SFMBT2: variants seen among roughly 807,000 people sequenced by gnomAD.
The protein encoded by SFMBT2 is scm-like with four MBT domains protein 2.
A neutral mutation model predicts 110.1 loss-of-function variants in SFMBT2; 38 were observed. The observed-to-expected ratio is 0.35, with a 90% confidence interval of 0.27 to 0.45. SFMBT2 has a LOEUF of 0.45. SFMBT2 is among the 20% of genes least tolerant of loss of function. The probability of loss-of-function intolerance (pLI) is 1.00; values close to 1 mark genes in which losing one functional copy is unlikely to be tolerated. For synonymous variants in SFMBT2, 425 were observed against 425.4 expected (o/e 1.00, Z 0.01); for missense variants, 1,011 against 1,094.9 (o/e 0.92, Z 1.08).
chr10:7,224,478 C>A (rs1471475040), intron 10 of SFMBT2, among the ~76,000 whole-genome samples: 5 of 152,118 alleles, frequency 3.3e-5, no homozygotes, highest in African/African-American at 1.2e-4. Flanking sequence ...CCAGAGAGAC[C>A]ATGAATTTTA....
chr10:7,360,709 T>A (rs1214741212), intron 4 of SFMBT2, among the ~76,000 whole-genome samples: 1 of 152,202 alleles, frequency 6.6e-6, no homozygotes, highest in Non-Finnish European at 1.5e-5. Context: ...TACAAACACA[T>A]ACATACCTAC....
intron 9 of SFMBT2, among the ~76,000 whole-genome samples, chr10:7,229,606 A>AG (rs1840051086): frequency 1.3e-5 from 2 of 151,302 alleles, no homozygotes; most frequent in Non-Finnish European, 2.9e-5. Flanking sequence ...AAAAAAAAAA[A>AG]AAAGAAAGAA....
At position 7,254,596 on chromosome 10, in the gene SFMBT2, C is replaced by T. The variant is rs774355511; in HGVS notation, c.871-5947G>A. ...CAGCACTTTGGGAGGCTGAGACAGG[C>T]GGATCATGAGGTCAAGAGATCGAGA... On this transcript the variant is annotated intron_variant, in intron 7 of 20. Coordinates refer to ENST00000397167, the MANE Select transcript of SFMBT2 (RefSeq NM_001387889.1). Among the ~76,000 whole-genome samples the T allele has an allele frequency of 7.2e-5, 11 of 151,832 alleles. No homozygotes were observed. The South Asian group carries it at 1.0e-3, about 14-fold the overall frequency.
chr10:7,168,751 G>GC (rs1405404011), intron 20 of SFMBT2, among the ~76,000 whole-genome samples: 3 of 152,220 alleles, frequency 2.0e-5, no homozygotes, highest in Non-Finnish European at 4.4e-5. Flanking sequence ...TTATCAATAA[G>GC]CCCCCGATCA....
chr10:7,309,430 G>T (rs1341715791), intron 4 of SFMBT2, among the ~76,000 whole-genome samples: 1 of 152,238 alleles, frequency 6.6e-6, no homozygotes, highest in Admixed American at 6.5e-5. Context: ...AAGTGAAGCT[G>T]TGCTTTCTCC....
intron 8 of SFMBT2, chr10:7,246,061 G>A: frequency 1.7e-6 from 1 of 593,378 alleles, no homozygotes; most frequent in East Asian, 1.4e-4. Flanking sequence ...TCTTGAACCT[G>A]GAGAGGTGCC....
chr10:7,273,970 A>T (rs1316495264), intron 7 of SFMBT2, among the ~76,000 whole-genome samples: 1 of 152,244 alleles, frequency 6.6e-6, no homozygotes. Flanking sequence ...CTATGAAGAC[A>T]CATGCACACG....
In SFMBT2 at chr10:7,171,839, A is replaced by G. The variant is rs1837879510; in HGVS notation, c.2415+56T>C. ...CCACATCGTGGCCCTGAAGTGTAACAGGTGTGCTTCTTCAGACCCAGCGGG... is the reference window on the plus strand; with the variant it reads ...CCACATCGTGGCCCTGAAGTGTAACGGGTGTGCTTCTTCAGACCCAGCGGG... On this transcript the variant is annotated intron_variant, in intron 19 of 20. Transcript: ENST00000397167. This position sits in a 1 kb window ranked among gnomAD's most constrained non-coding sequence, Gnocchi z 4.9. The G allele has an allele frequency of 7.3e-7, 1 of 1,368,776 alleles. No homozygotes were observed. Among genetic ancestry groups the G allele is most frequent in the Non-Finnish European group, 9.4e-7 (1 of 1,061,708 alleles). 84.8% of individuals were successfully genotyped at this position (1,368,776 alleles called of 1,614,324 possible).
At chr10:7,269,078 T>C (rs912953448) in intron 7 of SFMBT2, among the ~76,000 whole-genome samples, 4 of 152,192 alleles carry the variant, frequency 2.6e-5, no homozygotes, top group African/African-American at 9.6e-5. Flanking sequence ...TATTTTTCAA[T>C]AAAATGAGGC....
At chr10:7,305,808 C>T (rs1842676608) in intron 4 of SFMBT2, among the ~76,000 whole-genome samples, 2 of 152,198 alleles carry the variant, frequency 1.3e-5, no homozygotes, top group Admixed American at 6.5e-5. Context: ...AATTTCTGCA[C>T]GTTTTGTGAC....
intron 15 of SFMBT2, among the ~76,000 whole-genome samples, chr10:7,192,967 A>G (rs1838647188): frequency 6.6e-6 from 1 of 152,140 alleles, no homozygotes; most frequent in African/African-American, 2.4e-5. Context: ...GTTACACTGG[A>G]GCAAAAAAAC....
chr10:7,297,902 G>A (rs1564427348), intron 4 of SFMBT2, among the ~76,000 whole-genome samples: 2 of 152,100 alleles, frequency 1.3e-5, no homozygotes, highest in East Asian at 1.9e-4. Flanking sequence ...TGCCTCCCAC[G>A]CCCTCCCTGT....
chr10:7,351,598 CCTTA>C (rs1554808425), intron 4 of SFMBT2, among the ~76,000 whole-genome samples: 2 of 152,138 alleles, frequency 1.3e-5, no homozygotes, highest in Non-Finnish European at 2.9e-5. Flanking sequence ...ATTCACGCAG[CCTTA>C]CTTTCATAAG....
In SFMBT2 at chr10:7,285,748, G is replaced by T. The variant is rs1364807020; in HGVS notation, c.525+118C>A. ...AAGAGGAAGGGAGGCTATTTGGATG[G>T]CAGTGTCTGCAGAAAGCACGCATCT... On this transcript the variant is annotated intron_variant, in intron 5 of 20. Transcript: ENST00000397167. 7.3e-6 allele frequency: 5 copies of T among 681,308 alleles called. No homozygotes were observed. In the African/African-American group the frequency reaches 8.9e-5, roughly 12 times the overall value. The allele number at this position is 681,308 out of a possible 1,614,324, so 42.2% of individuals were successfully genotyped here.
chr10:7,251,962 C>G (rs1209656083), intron 7 of SFMBT2, among the ~76,000 whole-genome samples: 1 of 152,208 alleles, frequency 6.6e-6, no homozygotes, highest in Non-Finnish European at 1.5e-5. Flanking sequence ...GGCTTCTGGT[C>G]TACCCGCCCT....
Position 7,163,529 on chromosome 10 carries a change from C to T in SFMBT2, c.*241G>A, listed in dbSNP as rs1484470279. The T allele has an allele frequency of 1.6e-5, 7 of 437,484 alleles. No individual in the cohort carries two copies. In the East Asian group the frequency reaches 2.1e-4, roughly 13 times the overall value. 27.1% of individuals were successfully genotyped at this position (437,484 alleles called of 1,614,324 possible). On this transcript the variant is annotated 3_prime_UTR_variant, in exon 21 of 21. Transcript: ENST00000397167. This position sits in a 1 kb window ranked among gnomAD's most constrained non-coding sequence, Gnocchi z 4.8. ...GTGGGTGAGCCAAGAAGCAGGCCCA[C>T]GTCTGGCAGGGTCTGATGCATGACT...
intron 10 of SFMBT2, among the ~76,000 whole-genome samples, chr10:7,223,464 T>G (rs997425430): frequency 6.6e-6 from 1 of 152,228 alleles, no homozygotes. Context: ...CAGCCACCTC[T>G]TTTGGGTCTT....
intron 2 of SFMBT2, among the ~76,000 whole-genome samples, chr10:7,377,233 C>T (rs1020072760): frequency 1.3e-5 from 2 of 150,264 alleles, no homozygotes; most frequent in Admixed American, 6.6e-5. Context: ...TTCCTTTCTT[C>T]GATCCCATAA....
At chr10:7,342,915 GGGGAGAA>G (rs1157128304) in intron 4 of SFMBT2, among the ~76,000 whole-genome samples, 2 of 151,294 alleles carry the variant, frequency 1.3e-5, no homozygotes, top group Non-Finnish European at 3.0e-5. Flanking sequence ...ATTTTTTTGT[GGGGAGAA>G]GGAGGAGATA....
Sources: allele counts gnomAD v4.1 joint callset (sites outside exome capture counted in the v4.1 genomes callset), GRCh38; gene constraint gnomAD v4.1.1; non-coding constraint Gnocchi (gnomAD v3.1); transcripts MANE v1.5; gene names NCBI Gene and HGNC (gene_info 2026-07-23, HGNC 2026-07-21).